Variants in EEF1A2 observed in about 807,000 individuals in gnomAD.
The protein encoded by EEF1A2 is eukaryotic translation elongation factor 1 alpha 2.
Under a neutral mutation model 39.3 loss-of-function variants are expected in EEF1A2, and 5 were observed. That is an observed-to-expected ratio of 0.13 (90% CI 0.07 to 0.27). EEF1A2 has a LOEUF of 0.27. EEF1A2 is among the 10% of genes least tolerant of loss of function. The pLI, the probability that EEF1A2 is intolerant of heterozygous loss-of-function variation, is 1.00. For missense variants in EEF1A2, 218 were observed against 681.4 expected (o/e 0.32, Z 7.57); for synonymous variants, 287 against 293.7 (o/e 0.98, Z 0.23).
rs147578245 is a variant in EEF1A2, at chr20:63,493,817, C to T, written c.622-530G>A. Among the ~76,000 whole-genome samples the T allele has an allele frequency of 2.8e-3, 426 of 152,356 alleles. 2 individuals are homozygous for T. The highest frequency in any genetic ancestry group is 9.3e-3 in the African/African-American group (386 of 41,598). ...CTCCCTCTGGGCCACCTGCCACAAACAGGGAGCAGGGGAGGGGGCCGGCAG... is the reference window on the plus strand; with the variant it reads ...CTCCCTCTGGGCCACCTGCCACAAATAGGGAGCAGGGGAGGGGGCCGGCAG... On this transcript the variant is annotated intron_variant, in intron 4 of 7. Coordinates refer to ENST00000217182, the MANE Select transcript of EEF1A2 (RefSeq NM_001958.5).
chr20:63,495,069 G>A lies in EEF1A2; in HGVS notation c.357C>T (p.Gly119=), dbSNP rs143241534. The change falls in exon 4 of 8, where the codon GGC becomes GGT. Residue 119 remains glycine, a synonymous_variant. Coordinates refer to ENST00000217182, the MANE Select transcript of EEF1A2 (RefSeq NM_001958.5). ...AGATGCCCGCCTCGAACTCGCCCAC[G>A]CCCGCCGCCACGATCAGCACTGCGC... The part of the protein sequence containing the change: ...ADCAVLIVAA[G]VGEFEAGISK... 119 of 1,611,762 alleles carry A rather than the reference G, an allele frequency of 7.4e-5. No individual in the cohort carries two copies. In the African/African-American group the frequency reaches 1.3e-3, roughly 17 times the overall value.
chr20:63,492,296 A>G (rs1167724113), intron 5 of EEF1A2, among the ~76,000 whole-genome samples: 22 of 119,030 alleles, frequency 1.8e-4, no homozygotes, highest in Admixed American at 3.8e-4. Flanking sequence ...ATGGGTGGGT[A>G]GGTGGGTGAG....
chr20:63,494,580 G>C lies in EEF1A2; in HGVS notation c.621+225C>G, dbSNP rs182596874. On this transcript the variant is annotated intron_variant, in intron 4 of 7. Transcript: ENST00000217182. ...ACATCGTAGATGGGCCCTGGCCCCG[G>C]CCAGCCGCGTGGGAGGCTGAGTGTA... is the stretch of plus-strand genomic sequence containing the variant. Among the ~76,000 whole-genome samples the C allele has an allele frequency of 7.1e-3, 1,086 of 152,368 alleles. 6 individuals are homozygous for C. Among genetic ancestry groups the C allele is most frequent in the Non-Finnish European group, 0.01 (708 of 68,030 alleles).
chr20:63,496,735 A>T (rs2145946176), intron 2 of EEF1A2: 1 of 152,602 alleles, frequency 6.6e-6, no homozygotes, highest in East Asian at 1.9e-4. Context: ...GCCCTCCAGG[A>T]GGCTGCCCAG....
chr20:63,493,311 T>C, intron 4 of EEF1A2, 24 bp from the exon 5 acceptor site: 1 of 1,495,654 alleles, frequency 6.7e-7, no homozygotes, highest in Non-Finnish European at 9.0e-7. Context: ...AGAAAATCAA[T>C]CCGTTAAGAG....
chr20:63,497,608 T>G lies in EEF1A2; in HGVS notation c.144+12A>C. ...TTCTCAGGGGGCCAAGACCATAGCCTGGGGAGCTCACCTCAGCCGCCTCCT... is the reference window on the plus strand; with the variant it reads ...TTCTCAGGGGGCCAAGACCATAGCCGGGGGAGCTCACCTCAGCCGCCTCCT... On this transcript the variant is annotated intron_variant, in intron 2 of 7. Coordinates refer to ENST00000217182, the MANE Select transcript of EEF1A2 (RefSeq NM_001958.5). This position sits in a 1 kb window ranked among gnomAD's most constrained non-coding sequence, Gnocchi z 7.3. 6.2e-7 allele frequency: 1 copy of G among 1,610,102 alleles called. No homozygotes were observed. The highest frequency in any genetic ancestry group is 8.5e-7 in the Non-Finnish European group (1 of 1,178,198).
chr20:63,495,715 G>T, intron 3 of EEF1A2, 141 bp downstream of exon 3: 1 of 1,057,568 alleles, frequency 9.5e-7, no homozygotes, highest in Non-Finnish European at 1.3e-6. Context: ...CAGACTGGGT[G>T]AGGGTGGCCC....
intron 6 of EEF1A2, among the ~76,000 whole-genome samples, chr20:63,489,425 G>A (rs2082368270): frequency 1.3e-5 from 2 of 152,154 alleles, no homozygotes; most frequent in Admixed American, 1.3e-4. Flanking sequence ...TAAGGCGGGG[G>A]GGTGACAAAA....
chr20:63,497,614 G>A lies in EEF1A2; in HGVS notation c.144+6C>T, dbSNP rs1179785181. ...GGGGGCCAAGACCATAGCCTGGGGA[G>A]CTCACCTCAGCCGCCTCCTTCTCGA... On this transcript the variant is annotated splice_donor_region_variant and intron_variant, in intron 2 of 7. Coordinates refer to ENST00000217182, the MANE Select transcript of EEF1A2 (RefSeq NM_001958.5). This position sits in a 1 kb window ranked among gnomAD's most constrained non-coding sequence, Gnocchi z 7.3. The A allele has an allele frequency of 6.2e-7, 1 of 1,610,988 alleles. No individual in the cohort carries two copies. The highest frequency in any genetic ancestry group is 8.5e-7 in the Non-Finnish European group (1 of 1,178,666).
Position 63,494,880 on chromosome 20 carries a change from G to A in EEF1A2, c.546C>T (p.Gly182=). The A allele has an allele frequency of 1.2e-6, 2 of 1,612,762 alleles. No individual in the cohort carries two copies. The highest frequency in any genetic ancestry group is 1.7e-6 in the Non-Finnish European group (2 of 1,179,950). Residue 182 remains glycine, a synonymous_variant, in exon 4 of 8, where the codon GGC becomes GGT. Coordinates refer to ENST00000217182, the MANE Select transcript of EEF1A2 (RefSeq NM_001958.5). ...KEVSAYIKKI[G]YNPATVPFVP... ...CAAAGGGCACGGTGGCCGGGTTGTA[G>A]CCGATCTTCTTGATGTAGGCGCTGA...
In EEF1A2 at chr20:63,496,045, G is replaced by T; in HGVS notation, c.145-10C>A. The T allele has an allele frequency of 6.2e-7, 1 of 1,612,242 alleles. No homozygotes were observed. Among genetic ancestry groups the T allele is most frequent in the Non-Finnish European group, 8.5e-7 (1 of 1,179,842 alleles). On this transcript the variant is annotated splice_polypyrimidine_tract_variant and intron_variant, in intron 2 of 7. Transcript: ENST00000217182. ...AGGATCCCTTCCCCATCTGGAGCGG[G>T]TGAGGGTCACGGCTGAGGGCGGGAC...
Position 63,488,197 on chromosome 20 carries a change from G to A in EEF1A2, c.*101C>T, listed in dbSNP as rs1175553194. ...AGACATGCGCCTGGCGGGGGTGCGG[G>A]GCGCCGGACCGGCGCGCGGGGCGGG... is the stretch of plus-strand genomic sequence containing the variant. On this transcript the variant is annotated 3_prime_UTR_variant, in exon 8 of 8. Coordinates refer to ENST00000217182, the MANE Select transcript of EEF1A2 (RefSeq NM_001958.5). 4.7e-5 allele frequency: 37 copies of A among 785,004 alleles called. No homozygotes were observed. The African/African-American group carries it at 6.7e-4, about 14-fold the overall frequency. The allele number at this position is 785,004 out of a possible 1,614,324, so 48.6% of individuals were successfully genotyped here.
Position 63,493,293 on chromosome 20 carries a change from C to A in EEF1A2, c.622-6G>T. 1 of 1,506,952 alleles carries A rather than the reference C, an allele frequency of 6.6e-7. No homozygotes were observed. Among genetic ancestry groups the A allele is most frequent in the Non-Finnish European group, 8.9e-7 (1 of 1,121,366 alleles). The allele number at this position is 1,506,952 out of a possible 1,614,324, so 93.3% of individuals were successfully genotyped here. ...CAGCCCTTGAACCACGGCATCTGGACCAAAGGGAGAAAATCAATCCGTTAA... is the reference window on the plus strand; with the variant it reads ...CAGCCCTTGAACCACGGCATCTGGAACAAAGGGAGAAAATCAATCCGTTAA... On this transcript the variant is annotated splice_polypyrimidine_tract_variant and splice_region_variant and intron_variant, in intron 4 of 7. Transcript: ENST00000217182.
chr20:63,494,736 C>T lies in EEF1A2; in HGVS notation c.621+69G>A, dbSNP rs540083938. 200 of 1,531,842 alleles carry T rather than the reference C, an allele frequency of 1.3e-4. No homozygotes were observed. The East Asian group carries it at 3.5e-3, about 27-fold the overall frequency. 94.9% of individuals were successfully genotyped at this position (1,531,842 alleles called of 1,614,324 possible). A position where few individuals can be genotyped will look rare whatever the true frequency, so the allele number is the denominator to read the frequency against. On this transcript the variant is annotated intron_variant, in intron 4 of 7. Coordinates refer to ENST00000217182, the MANE Select transcript of EEF1A2 (RefSeq NM_001958.5). Reference sequence around the variant, plus strand: ...CCCTCGACCTCCCCGTGCCACCTGCCGGTGCCTCGCTCTGGGCCAGGGGGT... The same window carrying T: ...CCCTCGACCTCCCCGTGCCACCTGCTGGTGCCTCGCTCTGGGCCAGGGGGT...
chr20:63,493,385 C>A, intron 4 of EEF1A2, 98 bp from the exon 5 acceptor site: 1 of 1,367,362 alleles, frequency 7.3e-7, no homozygotes, highest in Non-Finnish European at 9.6e-7. Flanking sequence ...GCTGTTCAGG[C>A]TAAACTTGCC....
chr20:63,494,697 T>C, intron 4 of EEF1A2, 108 bp downstream of exon 4: 1 of 1,416,976 alleles, frequency 7.1e-7, no homozygotes, highest in South Asian at 1.4e-5. Flanking sequence ...GAACCTGCAT[T>C]TCCCGGGGAC....
chr20:63,491,923 T>C (rs1395148147), intron 5 of EEF1A2, among the ~76,000 whole-genome samples: 1 of 108,180 alleles, frequency 9.2e-6, no homozygotes, highest in African/African-American at 3.8e-5. Flanking sequence ...GGGGGATAGA[T>C]GGATGGATGG....
chr20:63,488,387 C>T lies in EEF1A2; in HGVS notation c.1303G>A (p.Val435Ile). ...TTCTCCACGTTCTTGATGACGCCTA[C>T]GGCCACCGTCTGCCTCATGTCGCGC... ...AVRDMRQTVA[V>I]GVIKNVEKKS... The change falls in exon 8 of 8, where the codon GTA (valine) becomes ATA (isoleucine). Residue 435 changes from valine (V) to isoleucine (I), a missense_variant. Physicochemically the swap from Val to Ile is conservative, Grantham distance 29. Transcript: ENST00000217182. 2 of 1,477,538 alleles carry T rather than the reference C, an allele frequency of 1.4e-6. No individual in the cohort carries two copies. Among genetic ancestry groups the T allele is most frequent in the East Asian group, 6.0e-5 (2 of 33,358 alleles). 91.5% of individuals were successfully genotyped at this position (1,477,538 alleles called of 1,614,324 possible).
rs1218245102 is a variant in EEF1A2 at position 63,495,824 on chromosome 20, TC to T, written c.324+31del. The T allele has an allele frequency of 4.4e-6, 7 of 1,607,534 alleles. No individual in the cohort carries two copies. The Admixed American group carries it at 1.0e-4, about 23-fold the overall frequency. On this transcript the variant is annotated intron_variant, in intron 3 of 7. Transcript: ENST00000217182. ...GTCCCTTGAAGGGTGCAGCGGCCTC[TC>T]CCCCAGCCCCGCCTGCTGTGCCCTG...
Sources: allele counts gnomAD v4.1 joint callset (sites outside exome capture counted in the v4.1 genomes callset), GRCh38; gene constraint gnomAD v4.1.1; non-coding constraint Gnocchi (gnomAD v3.1); transcripts MANE v1.5; gene names NCBI Gene and HGNC (gene_info 2026-07-23, HGNC 2026-07-21).